Variants in HEATR5B observed in about 807,000 individuals in gnomAD.
HEATR5B encodes the protein HEAT repeat containing 5B.
A neutral mutation model predicts 224.1 loss-of-function variants in HEATR5B; 156 were observed. The ratio of observed to expected loss-of-function variants is 0.70; its 90% CI spans 0.61 to 0.80. The LOEUF is 0.80. HEATR5B is among the 30% of genes least tolerant of loss of function. HEATR5B has a pLI of 0.00. For missense variants in HEATR5B, 2,323 were observed against 2,535.5 expected, an observed-to-expected ratio of 0.92 and a Z score of 1.80; for synonymous variants, 1,027 against 893.0, an observed-to-expected ratio of 1.15 and a Z score of -2.68.
chr2:37,070,795 G>T (rs1230710458), intron 6 of HEATR5B, among the ~76,000 whole-genome samples: 1 of 152,138 alleles, frequency 6.6e-6, no homozygotes, highest in African/African-American at 2.4e-5. Context: ...ATGTTACTGG[G>T]AATGCAACTG....
At position 37,041,267 on chromosome 2, in the gene HEATR5B, A is replaced by AT; in HGVS notation, c.2721dup (p.Ser908IlefsTer2). 3 of 1,614,132 alleles carry AT rather than the reference A, an allele frequency of 1.9e-6. No homozygotes were observed. Among genetic ancestry groups the AT allele is most frequent in the Non-Finnish European group, 2.5e-6 (3 of 1,179,998 alleles). On this transcript the variant is annotated frameshift_variant, in exon 19 of 36. Transcript: ENST00000233099. LOFTEE classifies it high-confidence loss of function. ...AGAGCCAATGAATGACCAGTCCTAGATACAACATCTCGAGCCGATTTCAAC... is the reference window on the plus strand; with the variant it reads ...AGAGCCAATGAATGACCAGTCCTAGATTACAACATCTCGAGCCGATTTCAAC...
At chr2:37,063,257 G>A (rs1207990372) in intron 10 of HEATR5B, among the ~76,000 whole-genome samples, 1 of 152,110 alleles carries the variant, frequency 6.6e-6, no homozygotes, top group African/African-American at 2.4e-5. Flanking sequence ...GGCTAGTATA[G>A]ACTTAAATTT....
intron 24 of HEATR5B, among the ~76,000 whole-genome samples, chr2:37,023,185 G>C (rs1224073661): frequency 1.3e-5 from 2 of 152,032 alleles, no homozygotes; most frequent in Non-Finnish European, 2.9e-5. Flanking sequence ...AACTACACTG[G>C]ATAAAATTAA....
Position 37,041,250 on chromosome 2 carries a change from T to G in HEATR5B, c.2739A>C (p.Ser913=). 6.2e-7 allele frequency: 1 copy of G among 1,614,084 alleles called. No individual in the cohort carries two copies. The highest frequency in any genetic ancestry group is 1.1e-5 in the South Asian group (1 of 91,080). The change falls in exon 19 of 36, where the codon TCA becomes TCC. Residue 913 remains serine (S), a synonymous_variant. Coordinates refer to ENST00000233099, the MANE Select transcript of HEATR5B (RefSeq NM_019024.3). The stretch of plus-strand genomic sequence containing the variant: ...AACGATGCAAACAACCAAGAGCCAA[T>G]GAATGACCAGTCCTAGATACAACAT... ...ARDVVSRTGH[S]LALGCLHRYV...
At position 37,027,663 on chromosome 2, in the gene HEATR5B, C is replaced by T. The variant is rs569174961; in HGVS notation, c.3853+260G>A. Among the ~76,000 whole-genome samples, 107 of 152,262 alleles carry T rather than the reference C, an allele frequency of 7.0e-4. 1 individual carries two copies. Among genetic ancestry groups the T allele is most frequent in the African/African-American group, 2.5e-3 (103 of 41,548 alleles). On this transcript the variant is annotated intron_variant, in intron 24 of 35. Coordinates refer to ENST00000233099, the MANE Select transcript of HEATR5B (RefSeq NM_019024.3). ...AACCTAAGTAACTGCCATCATTATCCTTTGGGCAAATGATTAAATAGACAC... is the reference window on the plus strand; with the variant it reads ...AACCTAAGTAACTGCCATCATTATCTTTTGGGCAAATGATTAAATAGACAC...
At chr2:37,071,558 T>C (rs991935289) in intron 6 of HEATR5B, among the ~76,000 whole-genome samples, 4 of 152,232 alleles carry the variant, frequency 2.6e-5, no homozygotes, top group African/African-American at 7.2e-5. Context: ...CAGTACCTTA[T>C]ACATTATCCA....
chr2:37,064,815 T>C lies in HEATR5B; in HGVS notation c.1509A>G (p.Gly503=). Residue 503 remains glycine (G), a synonymous_variant, in exon 10 of 36, where the codon GGA becomes GGG. Coordinates refer to ENST00000233099, the MANE Select transcript of HEATR5B (RefSeq NM_019024.3). The stretch of plus-strand genomic sequence containing the variant: ...ACAAAGCAGCCATTGCAAAACTATA[T>C]CCACTGACAGCTTCTGGTGAGGTCT... ...NLKTSPEAVS[G]YSFAMAALLG... is the part of the protein sequence containing the mutation. 1 of 1,614,024 alleles carries C rather than the reference T, an allele frequency of 6.2e-7. No individual in the cohort carries two copies. Among genetic ancestry groups the C allele is most frequent in the South Asian group, 1.1e-5 (1 of 91,078 alleles).
At chr2:37,020,874 C>A (rs1210665561) in intron 24 of HEATR5B, 38 bp from the exon 25 acceptor site, 5 of 1,188,766 alleles carry the variant, frequency 4.2e-6, no homozygotes, top group South Asian at 2.0e-5. Context: ...GAAAACTTTT[C>A]CAAAAATAAG....
chr2:37,066,322 T>A (rs1375262478), intron 8 of HEATR5B, among the ~76,000 whole-genome samples: 7 of 152,236 alleles, frequency 4.6e-5, no homozygotes, highest in Admixed American at 4.6e-4. Flanking sequence ...TACATGCCTA[T>A]TTCAAACGGT....
chr2:37,011,524 C>T (rs1277742588), intron 27 of HEATR5B, among the ~76,000 whole-genome samples: 1 of 152,020 alleles, frequency 6.6e-6, no homozygotes, highest in Non-Finnish European at 1.5e-5. Flanking sequence ...GACTCATAAC[C>T]TCAATTTCTG....
intron 30 of HEATR5B, among the ~76,000 whole-genome samples, chr2:37,005,199 A>G (rs1667334383): frequency 6.6e-6 from 1 of 152,010 alleles, no homozygotes; most frequent in Admixed American, 6.6e-5. Flanking sequence ...CATGCCTCCT[A>G]GTGTTCGTAT....
chr2:37,018,683 A>G (rs967975963), intron 26 of HEATR5B, among the ~76,000 whole-genome samples: 1 of 152,192 alleles, frequency 6.6e-6, no homozygotes, highest in Non-Finnish European at 1.5e-5. Context: ...CATGGATTCT[A>G]AGCAAAAATG....
chr2:37,048,152 A>G (rs1354343073), intron 18 of HEATR5B, among the ~76,000 whole-genome samples: 1 of 152,084 alleles, frequency 6.6e-6, no homozygotes, highest in Admixed American at 6.6e-5. Flanking sequence ...AAAGTACAAA[A>G]TAAATACAGT....
At chr2:37,012,265 G>C (rs1201602348) in intron 27 of HEATR5B, among the ~76,000 whole-genome samples, 2 of 152,092 alleles carry the variant, frequency 1.3e-5, no homozygotes, top group African/African-American at 2.4e-5. Context: ...TCAAGATCAA[G>C]AAATACATTT....
intron 24 of HEATR5B, among the ~76,000 whole-genome samples, chr2:37,024,307 T>C (rs1009798385): frequency 2.0e-5 from 3 of 151,612 alleles, no homozygotes; most frequent in Non-Finnish European, 4.4e-5. Flanking sequence ...GGAATAAGTG[T>C]AAGAGATCTA....
intron 33 of HEATR5B, among the ~76,000 whole-genome samples, chr2:36,999,338 G>A (rs1429483443): frequency 6.6e-6 from 1 of 152,112 alleles, no homozygotes; most frequent in Non-Finnish European, 1.5e-5. Context: ...TATTTTTATT[G>A]TAAAACAACA....
chr2:37,075,842 G>A (rs10211667), intron 4 of HEATR5B: 10,480 of 360,344 alleles, frequency 0.029, 184 homozygotes, highest in Middle Eastern at 0.039. Flanking sequence ...AAAAAATTAG[G>A]TTTTAAGTAA....
intron 17 of HEATR5B, among the ~76,000 whole-genome samples, chr2:37,052,058 A>C (rs1670589623): frequency 6.6e-6 from 1 of 152,270 alleles, no homozygotes; most frequent in Non-Finnish European, 1.5e-5. Context: ...TTATTTCTAT[A>C]ATCAATGCCT....
chr2:36,988,331 C>T (rs1442529151), intron 35 of HEATR5B, among the ~76,000 whole-genome samples: 12 of 151,482 alleles, frequency 7.9e-5, no homozygotes, highest in Non-Finnish European at 1.6e-4. Context: ...GGCATGATCT[C>T]GGCTCACTGC....
Sources: gnomAD v4.1 joint callset for allele counts (sites outside exome capture counted in the v4.1 genomes callset) on GRCh38, gnomAD v4.1.1 for gene constraint, MANE v1.5 for transcripts, NCBI Gene and HGNC (gene_info 2026-07-23, HGNC 2026-07-21) for gene names.